ZC2HC1C: variants seen among roughly 807,000 people sequenced by gnomAD.
The protein encoded by ZC2HC1C is zinc finger C2HC domain-containing protein 1C.
In ZC2HC1C, 25 loss-of-function variants were observed where a neutral mutation model predicts 39.2. That is an observed-to-expected ratio of 0.64 (90% confidence interval 0.47 to 0.89). ZC2HC1C has a LOEUF of 0.89. Ranked by LOEUF, ZC2HC1C falls within the 40% of genes least tolerant of loss-of-function variation. ZC2HC1C has a pLI of 0.00. For synonymous variants in ZC2HC1C, 209 were observed against 214.4 expected, an observed-to-expected ratio of 0.97 and a Z score of 0.22; for missense variants, 519 against 548.6, an observed-to-expected ratio of 0.95 and a Z score of 0.54.
rs912892367 is a variant in ZC2HC1C, at chr14:75,078,224, G to A, written c.*660G>A. On this transcript the variant is annotated 3_prime_UTR_variant, in exon 3 of 3. Transcript: ENST00000524913. ...GTTATTAGGATGTGTTGGTGTCAGA[G>A]GGGCATGATCACCCAGATAGTAACT... 2 of 152,226 alleles carry A rather than the reference G, an allele frequency of 1.3e-5. No individual in the cohort carries two copies. Among genetic ancestry groups the A allele is most frequent in the African/African-American group, 4.8e-5 (2 of 41,444 alleles). The allele number at this position is 152,226 out of a possible 1,614,324, so 9.4% of individuals were successfully genotyped here. A position where few individuals can be genotyped will look rare whatever the true frequency, so the allele number is the denominator to read the frequency against.
intron 1 of ZC2HC1C, 149 bp from the exon 2 acceptor site, chr14:75,070,405 TG>T (rs1453916825): frequency 6.3e-6 from 6 of 959,206 alleles, no homozygotes; most frequent in Non-Finnish European, 7.5e-6. Flanking sequence ...AAATGGTTTT[TG>T]AAGGGAAGCT....
chr14:75,070,810 A>G lies in ZC2HC1C; in HGVS notation c.237A>G (p.Lys79=). The change falls in exon 2 of 3, where the codon AAA becomes AAG. Residue 79 remains lysine, a synonymous_variant. Coordinates refer to ENST00000524913, the MANE Select transcript of ZC2HC1C (RefSeq NM_024643.4). ...YTHPKWNTQT[K]ARSYSYPHCT... ...ACCCCAAATGGAACACCCAAACAAA[A>G]GCCCGGAGCTACTCCTATCCCCACT... The G allele has an allele frequency of 6.2e-7, 1 of 1,614,188 alleles. No homozygotes were observed. Among genetic ancestry groups the G allele is most frequent in the Non-Finnish European group, 8.5e-7 (1 of 1,180,026 alleles).
In ZC2HC1C at chr14:75,070,782, C is replaced by T. The variant is rs768404860; in HGVS notation, c.209C>T (p.Thr70Ile). 8 of 1,614,086 alleles carry T rather than the reference C, an allele frequency of 5.0e-6. No individual in the cohort carries two copies. The highest frequency in any genetic ancestry group is 1.7e-5 in the Admixed American group (1 of 60,006). ...NKELILDKVYTHPKWNTQTKA... is the reference protein window; with the variant it reads ...NKELILDKVYIHPKWNTQTKA... ...GAGTTGATTCTGGATAAAGTCTATA[C>T]TCACCCCAAATGGAACACCCAAACA... The change falls in exon 2 of 3, where the codon ACT (threonine) becomes ATT (isoleucine). Residue 70 changes from threonine to isoleucine, a missense_variant. By Grantham distance (89) the Thr-to-Ile change is moderately conservative. Transcript: ENST00000524913.
chr14:75,074,438 T>G (rs1209042750), intron 2 of ZC2HC1C, among the ~76,000 whole-genome samples: 3 of 152,220 alleles, frequency 2.0e-5, no homozygotes, highest in Admixed American at 2.0e-4. Context: ...GAATGACCTA[T>G]AATGGAACCC....
Position 75,070,802 on chromosome 14 carries a change from C to A in ZC2HC1C, c.229C>A (p.Gln77Lys), listed in dbSNP as rs771670846. 1 of 1,614,196 alleles carries A rather than the reference C, an allele frequency of 6.2e-7. No homozygotes were observed. Among genetic ancestry groups the A allele is most frequent in the East Asian group, 2.2e-5 (1 of 44,886 alleles). ...KVYTHPKWNT[Q>K]TKARSYSYPH... ...CTATACTCACCCCAAATGGAACACC[C>A]AAACAAAAGCCCGGAGCTACTCCTA... The change falls in exon 2 of 3, where the codon CAA becomes AAA. Residue 77 changes from glutamine to lysine, a missense_variant. Coordinates refer to ENST00000524913, the MANE Select transcript of ZC2HC1C (RefSeq NM_024643.4).
chr14:75,073,501 C>A, intron 2 of ZC2HC1C: 1 of 1,111,550 alleles, frequency 9.0e-7, no homozygotes, highest in Non-Finnish European at 1.2e-6. Flanking sequence ...TTGAGGACAC[C>A]AAGACAGAAG....
chr14:75,077,644 A>G lies in ZC2HC1C; in HGVS notation c.*80A>G. On this transcript the variant is annotated 3_prime_UTR_variant, in exon 3 of 3. Transcript: ENST00000524913. ...ACTGCCAAAGGTGGAAACTGTTCACACTTGCCTCCCATCCTGCCTGCAGAA... is the reference window on the plus strand; with the variant it reads ...ACTGCCAAAGGTGGAAACTGTTCACGCTTGCCTCCCATCCTGCCTGCAGAA... 3 of 1,564,862 alleles carry G rather than the reference A, an allele frequency of 1.9e-6. No homozygotes were observed. The highest frequency in any genetic ancestry group is 2.6e-6 in the Non-Finnish European group (3 of 1,139,370).
rs771282943 is a variant in ZC2HC1C at position 75,071,384 on chromosome 14, A to G, written c.811A>G (p.Ser271Gly). 1.2e-6 allele frequency: 2 copies of G among 1,614,176 alleles called. No homozygotes were observed. The highest frequency in any genetic ancestry group is 3.3e-5 in the Admixed American group (2 of 60,018). ...GCTACAGAAAATTATACTCCCCAGG[A>G]GCAGAGTTAAAGGTAATAAAAGCAA... ...GELQKIILPR[S>G]RVKGNKSNTM... Residue 271 changes from serine (S) to glycine (G), a missense_variant, in exon 2 of 3, where the codon AGC becomes GGC. Coordinates refer to ENST00000524913, the MANE Select transcript of ZC2HC1C (RefSeq NM_024643.4).
rs1893384598 is a variant in ZC2HC1C at position 75,071,232 on chromosome 14, G to T, written c.659G>T (p.Gly220Val). 2 of 1,614,180 alleles carry T rather than the reference G, an allele frequency of 1.2e-6. No homozygotes were observed. The highest frequency in any genetic ancestry group is 1.7e-6 in the Non-Finnish European group (2 of 1,180,048). Residue 220 changes from glycine to valine, a missense_variant, in exon 2 of 3, where the codon GGG becomes GTG. Transcript: ENST00000524913. ...CAGATCCGAAGACTAGAAGCTGCAG[G>T]GGAGAGCTTAGAGGAGGAAATCCGA... ...WVQIRRLEAA[G>V]ESLEEEIRRK...
In ZC2HC1C at chr14:75,070,682, C is replaced by T. The variant is rs576142466; in HGVS notation, c.109C>T (p.Gln37Ter). 6.2e-7 allele frequency: 1 copy of T among 1,614,212 alleles called. No individual in the cohort carries two copies. The highest frequency in any genetic ancestry group is 1.7e-5 in the Admixed American group (1 of 60,030). Residue 37 changes from glutamine to a stop codon, truncating the protein, a stop_gained, in exon 2 of 3, where the codon CAA becomes TAA. Transcript: ENST00000524913. LOFTEE classifies it high-confidence loss of function. ...CTCAGCCAAGCAAGACTCTTACGAA[C>T]AAGGTGACTCTTCCCAGCAGTCCTT... ...PHSAKQDSYE[Q>*]GDSSQQSLKG...
chr14:75,074,211 G>A (rs796356199), intron 2 of ZC2HC1C, among the ~76,000 whole-genome samples: 219 of 152,146 alleles, frequency 1.4e-3, no homozygotes, highest in African/African-American at 5.1e-3. Context: ...CCTGGTCTTC[G>A]AATTCTTTTA....
rs141018737 is a variant in ZC2HC1C at position 75,078,037 on chromosome 14, G to C, written c.*473G>C. 3 of 165,114 alleles carry C rather than the reference G, an allele frequency of 1.8e-5. No homozygotes were observed. The highest frequency in any genetic ancestry group is 3.9e-5 in the Non-Finnish European group (3 of 76,188). The allele number at this position is 165,114 out of a possible 1,614,324, so 10.2% of individuals were successfully genotyped here. On this transcript the variant is annotated 3_prime_UTR_variant, in exon 3 of 3. Coordinates refer to ENST00000524913, the MANE Select transcript of ZC2HC1C (RefSeq NM_024643.4). The stretch of plus-strand genomic sequence containing the variant: ...TATGTTATTGCCCTCAGAATTGATG[G>C]GTGAAGACACTGAAGAGTCATGAGC...
Position 75,071,550 on chromosome 14 carries a change from T to C in ZC2HC1C, c.977T>C (p.Leu326Pro), listed in dbSNP as rs762942715. Reference sequence around the variant, plus strand: ...TTCTCTGATTATAGAATCCAGAGGCTCAAAAGGGAAAGGCTGGTAGCAAGC... The same window carrying C: ...TTCTCTGATTATAGAATCCAGAGGCCCAAAAGGGAAAGGCTGGTAGCAAGC... ...FQFSDYRIQRLKRERLVASNN... is the reference protein window; with the variant it reads ...FQFSDYRIQRPKRERLVASNN... The change falls in exon 2 of 3, where the codon CTC becomes CCC. Residue 326 changes from leucine to proline, a missense_variant. Physicochemically the swap from Leu to Pro is moderately conservative, Grantham distance 98 (BLOSUM62 -3). Coordinates refer to ENST00000524913, the MANE Select transcript of ZC2HC1C (RefSeq NM_024643.4). The C allele has an allele frequency of 6.2e-7, 1 of 1,614,018 alleles. No homozygotes were observed. The highest frequency in any genetic ancestry group is 1.1e-5 in the South Asian group (1 of 91,060).
chr14:75,072,940 G>A (rs1042405816), intron 2 of ZC2HC1C, among the ~76,000 whole-genome samples: 10 of 152,168 alleles, frequency 6.6e-5, no homozygotes, highest in African/African-American at 2.2e-4. Context: ...TTGGGAAAGC[G>A]TAGATCATAT....
In ZC2HC1C at chr14:75,079,100, T is replaced by G. The variant is rs181053930; in HGVS notation, c.*1536T>G. 6.6e-6 allele frequency: 1 copy of G among 151,286 alleles called. No individual in the cohort carries two copies. Among genetic ancestry groups the G allele is most frequent in the East Asian group, 1.9e-4 (1 of 5,138 alleles). 9.4% of individuals were successfully genotyped at this position (151,286 alleles called of 1,614,324 possible). A position where few individuals can be genotyped will look rare whatever the true frequency, so the allele number is the denominator to read the frequency against. ...TGGAGAAAAACTGCTCAATTTGAGCTAGTCAACAGGGCTAGACAGACAACA... is the reference window on the plus strand; with the variant it reads ...TGGAGAAAAACTGCTCAATTTGAGCGAGTCAACAGGGCTAGACAGACAACA... On this transcript the variant is annotated 3_prime_UTR_variant, in exon 3 of 3. Transcript: ENST00000524913.
rs1400537028 is a variant in ZC2HC1C at position 75,071,654 on chromosome 14, T to C, written c.1081T>C (p.Leu361=). 6.2e-7 allele frequency: 1 copy of C among 1,614,176 alleles called. No individual in the cohort carries two copies. Among genetic ancestry groups the C allele is most frequent in the South Asian group, 1.1e-5 (1 of 91,084 alleles). ...SPPSETPVGA[L]QGSARNSSLS... is the part of the protein sequence containing the mutation. Reference sequence around the variant, plus strand: ...GCCTTCAGAAACACCAGTCGGTGCTTTGCAGGGATCCGCCAGAAATTCCAG... The same window carrying C: ...GCCTTCAGAAACACCAGTCGGTGCTCTGCAGGGATCCGCCAGAAATTCCAG... Residue 361 remains leucine (L), a synonymous_variant, in exon 2 of 3, where the codon TTG becomes CTG. Coordinates refer to ENST00000524913, the MANE Select transcript of ZC2HC1C (RefSeq NM_024643.4).
rs1382619601 is a variant in ZC2HC1C at position 75,078,934 on chromosome 14, GTCC to G, written c.*1372_*1374del. ...TAAAATTAAACAAGAAGATGAGTGAGTCCTACACTAGTGAAATCAGAGAACTGA... is the reference window on the plus strand; with the variant it reads ...TAAAATTAAACAAGAAGATGAGTGAGTACACTAGTGAAATCAGAGAACTGA... On this transcript the variant is annotated 3_prime_UTR_variant, in exon 3 of 3. Coordinates refer to ENST00000524913, the MANE Select transcript of ZC2HC1C (RefSeq NM_024643.4). The G allele has an allele frequency of 6.6e-6, 1 of 152,186 alleles. No homozygotes were observed. Among genetic ancestry groups the G allele is most frequent in the African/African-American group, 2.4e-5 (1 of 41,456 alleles). 9.4% of individuals were successfully genotyped at this position (152,186 alleles called of 1,614,324 possible). A position where few individuals can be genotyped will look rare whatever the true frequency, so the allele number is the denominator to read the frequency against.
chr14:75,076,766 T>G (rs1264145990), intron 2 of ZC2HC1C, among the ~76,000 whole-genome samples: 1 of 47,046 alleles, frequency 2.1e-5, no homozygotes, highest in Non-Finnish European at 5.5e-5. Context: ...GCCTCCTAAG[T>G]TTTTGTTTGT....
chr14:75,076,710 G>A (rs1893687186), intron 2 of ZC2HC1C, among the ~76,000 whole-genome samples: 1 of 151,850 alleles, frequency 6.6e-6, no homozygotes, highest in South Asian at 2.1e-4. Flanking sequence ...TGTTGATATG[G>A]TCTCATGTTA....
Sources: gnomAD v4.1 joint callset for allele counts (sites outside exome capture counted in the v4.1 genomes callset) on GRCh38, gnomAD v4.1.1 for gene constraint, MANE v1.5 for transcripts, NCBI Gene and HGNC (gene_info 2026-07-23, HGNC 2026-07-21) for gene names.